DYRK4: variants seen among roughly 807,000 people sequenced by gnomAD.
DYRK4 encodes the protein dual specificity tyrosine phosphorylation regulated kinase 4.
A neutral mutation model predicts 68.3 loss-of-function variants in DYRK4; 64 were observed. The ratio of observed to expected loss-of-function variants is 0.94; its 90% CI spans 0.77 to 1.15. DYRK4 has a LOEUF of 1.15. DYRK4 is among the 50% of genes most tolerant of loss of function. DYRK4 has a pLI of 0.00. For synonymous variants in DYRK4, 274 were observed against 289.9 expected, an observed-to-expected ratio of 0.95 and a Z score of 0.56; for missense variants, 740 against 764.7, an observed-to-expected ratio of 0.97 and a Z score of 0.38.
chr12:4,605,024 T>A lies in DYRK4; in HGVS notation c.1237T>A (p.Tyr413Asn). The change falls in exon 11 of 15, where the codon TAC becomes AAC. Residue 413 changes from tyrosine (Y) to asparagine (N), a missense_variant. Transcript: ENST00000543431. ...WSLGCITAEL[Y>N]TGYPLFPGEN... ...CCTGGGCTGCATCACGGCGGAGTTG[T>A]ACACGGGCTACCCCCTGTTCCCCGG... 2 of 1,614,070 alleles carry A rather than the reference T, an allele frequency of 1.2e-6. No homozygotes were observed. Among genetic ancestry groups the A allele is most frequent in the Admixed American group, 3.3e-5 (2 of 60,018 alleles).
intron 3 of DYRK4, 90 bp downstream of exon 3, chr12:4,589,107 T>A: frequency 8.5e-7 from 1 of 1,183,260 alleles, no homozygotes; most frequent in Non-Finnish European, 1.2e-6. Flanking sequence ...TTTTGGCCAA[T>A]TTATCATAAA....
At chr12:4,576,091 C>T (rs1390870693) in intron 2 of DYRK4, among the ~76,000 whole-genome samples, 1 of 152,178 alleles carries the variant, frequency 6.6e-6, no homozygotes, top group African/African-American at 2.4e-5. Context: ...AGGAGTCTGA[C>T]AAAGGCATAA....
intron 2 of DYRK4, among the ~76,000 whole-genome samples, chr12:4,583,929 G>A (rs773148051): frequency 1.3e-5 from 2 of 152,178 alleles, no homozygotes; most frequent in Non-Finnish European, 2.9e-5. Flanking sequence ...CGCAGGGCAG[G>A]TTCTGTGGGA....
chr12:4,597,173 A>C (rs1437947986), intron 8 of DYRK4: 2 of 1,027,658 alleles, frequency 1.9e-6, no homozygotes, highest in Non-Finnish European at 2.3e-6. Flanking sequence ...GGACAAGAGC[A>C]GATATTTTTG....
intron 2 of DYRK4, among the ~76,000 whole-genome samples, chr12:4,577,454 G>T (rs994329443): frequency 1.3e-5 from 2 of 152,118 alleles, no homozygotes; most frequent in African/African-American, 2.4e-5. Context: ...GTTTGTGTGG[G>T]TCTATTTATG....
At position 4,610,132 on chromosome 12, in the gene DYRK4, T is replaced by C. The variant is rs199518222; in HGVS notation, c.1361-23T>C. 3.3e-4 allele frequency: 507 copies of C among 1,557,512 alleles called. 5 individuals carry two copies. Among genetic ancestry groups the C allele is most frequent in the Admixed American group, 4.8e-4 (23 of 48,166 alleles). On this transcript the variant is annotated intron_variant, in intron 12 of 14. Coordinates refer to ENST00000543431, the MANE Select transcript of DYRK4 (RefSeq NM_001394779.1). ...CTAAAGATTTACACCTGAAACTAAA[T>C]ACAGAATGTTCTATCTCTACAGATT... is the stretch of plus-strand genomic sequence containing the variant.
chr12:4,586,945 T>G (rs1944903899), intron 2 of DYRK4, among the ~76,000 whole-genome samples: 1 of 152,208 alleles, frequency 6.6e-6, no homozygotes, highest in Non-Finnish European at 1.5e-5. Context: ...ATCACCACAT[T>G]ACATGAAGAT....
At chr12:4,611,161 T>C (rs1945216042) in intron 13 of DYRK4, among the ~76,000 whole-genome samples, 1 of 152,246 alleles carries the variant, frequency 6.6e-6, no homozygotes, top group East Asian at 1.9e-4. Context: ...CAAAATACTC[T>C]TCTGGCATCT....
In DYRK4 at chr12:4,599,148, T is replaced by A. The variant is rs1435764740; in HGVS notation, c.1026T>A (p.Ile342=). ...AGATGCTTTCGGTAGAGAAAATCAT[T>A]CACTGTGATCTCAAGCCCGTGAGTA... ...CLQMLSVEKI[I]HCDLKPENIV... is the part of the protein sequence containing the mutation. The change falls in exon 9 of 15, where the codon ATT becomes ATA. Residue 342 remains isoleucine, a synonymous_variant. Transcript: ENST00000543431. The A allele has an allele frequency of 6.2e-7, 1 of 1,613,974 alleles. No homozygotes were observed. Among genetic ancestry groups the A allele is most frequent in the African/African-American group, 1.3e-5 (1 of 74,916 alleles).
chr12:4,603,247 TAC>T (rs1945101575), intron 10 of DYRK4: 3 of 939,810 alleles, frequency 3.2e-6, no homozygotes, highest in African/African-American at 1.6e-5. Flanking sequence ...TGTGTTCTAT[TAC>T]TGTTTCATTC....
intron 2 of DYRK4, among the ~76,000 whole-genome samples, chr12:4,570,360 C>G (rs190105017): frequency 2.8e-4 from 43 of 152,320 alleles, no homozygotes; most frequent in Admixed American, 1.4e-3. Flanking sequence ...CTTAAAACTA[C>G]TGTGTTTGTA....
At chr12:4,585,414 C>A (rs1419476385) in intron 2 of DYRK4, among the ~76,000 whole-genome samples, 1 of 152,186 alleles carries the variant, frequency 6.6e-6, no homozygotes, top group Non-Finnish European at 1.5e-5. Flanking sequence ...GCTGTAATAT[C>A]TTTTGCTTTT....
At chr12:4,578,750 G>T (rs1944812737) in intron 2 of DYRK4, among the ~76,000 whole-genome samples, 1 of 152,102 alleles carries the variant, frequency 6.6e-6, no homozygotes. Flanking sequence ...GAGTATGAAT[G>T]GTTTGCCAAG....
intron 8 of DYRK4, 21 bp downstream of exon 8, chr12:4,596,750 A>C (rs775284728): frequency 2.0e-5 from 32 of 1,612,008 alleles, no homozygotes; most frequent in Non-Finnish European, 2.6e-5. Flanking sequence ...TTTTCTTCTT[A>C]ACTCATTTTC....
chr12:4,562,254 C>T lies in DYRK4; in HGVS notation c.9C>T (p.Leu3=). The T allele has an allele frequency of 6.5e-7, 1 of 1,532,816 alleles. No homozygotes were observed. The highest frequency in any genetic ancestry group is 8.7e-7 in the Non-Finnish European group (1 of 1,145,482). 95.0% of individuals were successfully genotyped at this position (1,532,816 alleles called of 1,614,324 possible). MQ[L]LPPPIRTGTK... is the part of the protein sequence containing the mutation. Reference sequence around the variant, plus strand: ...CGGTCAGCGCCGGCCTCATGCAGCTCCTCCCGCCGCCTATCCGCACCGGAA... The same window carrying T: ...CGGTCAGCGCCGGCCTCATGCAGCTTCTCCCGCCGCCTATCCGCACCGGAA... Residue 3 remains leucine, a synonymous_variant, in exon 1 of 15, where the codon CTC becomes CTT. Coordinates refer to ENST00000543431, the MANE Select transcript of DYRK4 (RefSeq NM_001394779.1).
At chr12:4,608,523 T>G (rs1215926744) in intron 12 of DYRK4, among the ~76,000 whole-genome samples, 1 of 152,164 alleles carries the variant, frequency 6.6e-6, no homozygotes, top group African/African-American at 2.4e-5. Flanking sequence ...TTCAGCCATG[T>G]GGGGGTTATA....
At position 4,605,066 on chromosome 12, in the gene DYRK4, C is replaced by G; in HGVS notation, c.1279C>G (p.Gln427Glu). 1 of 1,613,392 alleles carries G rather than the reference C, an allele frequency of 6.2e-7. No individual in the cohort carries two copies. The highest frequency in any genetic ancestry group is 8.5e-7 in the Non-Finnish European group (1 of 1,179,642). The change falls in exon 11 of 15, where the codon CAG becomes GAG. Residue 427 changes from glutamine (Q) to glutamate (E), a missense_variant. By Grantham distance (29) the Gln-to-Glu change is conservative (BLOSUM62 2). Around this residue, in one of 3 missense-constraint regions of DYRK4, gnomAD observed 614 missense variants for 603.7 expected, o/e 1.02. Coordinates refer to ENST00000543431, the MANE Select transcript of DYRK4 (RefSeq NM_001394779.1). The part of the protein sequence containing the change: ...PLFPGENEVE[Q>E]LACIMEVLGL... ...GTTCCCCGGGGAGAATGAGGTGGAG[C>G]AGCTGGCCTGCATCATGGAGGTACG...
chr12:4,597,586 G>A (rs1945032790), intron 8 of DYRK4, among the ~76,000 whole-genome samples: 1 of 152,248 alleles, frequency 6.6e-6, no homozygotes, highest in Non-Finnish European at 1.5e-5. Flanking sequence ...ATGAATCACA[G>A]TGCACAGTTA....
At position 4,596,215 on chromosome 12, in the gene DYRK4, C is replaced by G; in HGVS notation, c.694C>G (p.Gln232Glu). The change falls in exon 7 of 15, where the codon CAG (glutamine) becomes GAG (glutamate). Residue 232 changes from glutamine to glutamate, a missense_variant. By Grantham distance (29) the Gln-to-Glu change is conservative (BLOSUM62 2). Transcript: ENST00000543431. ...LETIGKGSFG[Q>E]VAKCLDHKNN... ...GACAATCGGGAAGGGGTCCTTTGGA[C>G]AGGTGGCCAAGTGCTTGGATCACAA... 6.2e-7 allele frequency: 1 copy of G among 1,614,152 alleles called. No homozygotes were observed. The highest frequency in any genetic ancestry group is 8.5e-7 in the Non-Finnish European group (1 of 1,180,024).
Sources: gnomAD v4.1 joint callset for allele counts (sites outside exome capture counted in the v4.1 genomes callset) on GRCh38, gnomAD v4.1.1 for gene constraint, gnomAD v4.1.1 regional missense constraint, MANE v1.5 for transcripts, NCBI Gene and HGNC (gene_info 2026-07-23, HGNC 2026-07-21) for gene names.